Variants in CAMTA2 observed in about 807,000 individuals in gnomAD.
The protein encoded by CAMTA2 is calmodulin-binding transcription activator 2.
CAMTA2 carries 56 observed loss-of-function variants against 135.7 expected under a neutral mutation model. That is an observed-to-expected ratio of 0.41 (90% CI 0.33 to 0.52). The LOEUF is 0.52. CAMTA2 is among the 20% of genes least tolerant of loss of function. CAMTA2 has a pLI of 0.16. For synonymous variants in CAMTA2, 591 were observed against 604.6 expected, an observed-to-expected ratio of 0.98 and a Z score of 0.33; for missense variants, 1,358 against 1,553.4, an observed-to-expected ratio of 0.87 and a Z score of 2.11.
chr17:4,970,494 G>C lies in CAMTA2; in HGVS notation c.2851C>G (p.Pro951Ala). 6.2e-7 allele frequency: 1 copy of C among 1,613,618 alleles called. No individual in the cohort carries two copies. The highest frequency in any genetic ancestry group is 8.5e-7 in the Non-Finnish European group (1 of 1,180,034). The part of the protein sequence containing the change: ...SLAKQIIEAT[P>A]ERIKREDFVG... ...AAGTCCTCTCGTTTAATCCGCTCCG[G>C]TGTGGCTTCGATGATCTGCTTGGCT... Residue 951 changes from proline (P) to alanine (A), a missense_variant, in exon 17 of 23, where the codon CCG becomes GCG. Around this residue, in one of 4 missense-constraint regions of CAMTA2, gnomAD observed 1,077 missense variants for 1,127.5 expected, o/e 0.96. Coordinates refer to ENST00000348066, the MANE Select transcript of CAMTA2 (RefSeq NM_015099.4).
chr17:4,976,874 G>C (rs1464771642), intron 11 of CAMTA2, among the ~76,000 whole-genome samples, 184 bp downstream of exon 11: 1 of 152,118 alleles, frequency 6.6e-6, no homozygotes, highest in East Asian at 1.9e-4. Flanking sequence ...CAAGATTTAT[G>C]GGGAAGAGGA....
rs767142488 is a variant in CAMTA2, at chr17:4,980,329, C to T, written c.993G>A (p.Leu331=). 8 of 1,613,906 alleles carry T rather than the reference C, an allele frequency of 5.0e-6. No individual in the cohort carries two copies. The South Asian group carries it at 8.8e-5, about 18-fold the overall frequency. ...GGTAILLLTG[L]EQRAGGLTPT... ...GCGTCAAGCCTCCAGCCCGCTGCTC[C>T]AGTCCTGTCAGGAGGAGGATAGCAG... The change falls in exon 9 of 23, where the codon CTG becomes CTA. Residue 331 remains leucine (L), a synonymous_variant. Coordinates refer to ENST00000348066, the MANE Select transcript of CAMTA2 (RefSeq NM_015099.4). This position sits in a 1 kb window ranked among gnomAD's most constrained non-coding sequence, Gnocchi z 5.3.
intron 3 of CAMTA2, among the ~76,000 whole-genome samples, chr17:4,985,568 C>T (rs964255578): frequency 3.3e-5 from 5 of 152,108 alleles, no homozygotes; most frequent in Non-Finnish European, 4.4e-5. Context: ...GGATTACAGG[C>T]GTACATCACC....
Position 4,986,251 on chromosome 17 carries a change from C to G in CAMTA2, c.-29G>C, listed in dbSNP as rs1319587138. 1 of 1,595,206 alleles carries G rather than the reference C, an allele frequency of 6.3e-7. No individual in the cohort carries two copies. Among genetic ancestry groups the G allele is most frequent in the Non-Finnish European group, 8.6e-7 (1 of 1,166,634 alleles). On this transcript the variant is annotated 5_prime_UTR_variant, in exon 2 of 23. Coordinates refer to ENST00000348066, the MANE Select transcript of CAMTA2 (RefSeq NM_015099.4). ...GAGGGCTCCAGGGGGCAAGGTCACC[C>G]CCGGCCTGAGGGGCCGGGGGGAGGG...
At chr17:4,971,481 C>T (rs1972281479) in intron 16 of CAMTA2, among the ~76,000 whole-genome samples, 2 of 152,074 alleles carry the variant, frequency 1.3e-5, no homozygotes, top group African/African-American at 4.8e-5. Context: ...GTAGCTACAA[C>T]TACAGGTGTG....
At chr17:4,982,693 G>A (rs1973031342) in intron 5 of CAMTA2, 64 bp downstream of exon 5, 2 of 1,584,220 alleles carry the variant, frequency 1.3e-6, no homozygotes, top group Non-Finnish European at 1.7e-6. Flanking sequence ...GGTCGGGCTA[G>A]AGCCCAGCTA....
Position 4,982,119 on chromosome 17 carries a change from T to A in CAMTA2, c.381A>T (p.Thr127=), listed in dbSNP as rs375041273. The change falls in exon 6 of 23, where the codon ACA becomes ACT. Residue 127 remains threonine, a synonymous_variant. Coordinates refer to ENST00000348066, the MANE Select transcript of CAMTA2 (RefSeq NM_015099.4). ...GCAGCCAGTAGCAGCGCCGATGGAA[T>A]GTGGGGACGATGGAAGAGTGAACGT... is the stretch of plus-strand genomic sequence containing the variant. The part of the protein sequence containing the change: ...GCYVHSSIVP[T]FHRRCYWLLQ... 4.4e-6 allele frequency: 7 copies of A among 1,594,206 alleles called. No individual in the cohort carries two copies. The highest frequency in any genetic ancestry group is 1.7e-5 in the Admixed American group (1 of 58,778).
At chr17:4,987,244 C>T in intron 1 of CAMTA2, 1 of 1,339,738 alleles carries the variant, frequency 7.5e-7, no homozygotes, top group Non-Finnish European at 9.5e-7. Flanking sequence ...GGCGGCCCCC[C>T]GGCGGAGTGG....
At position 4,970,084 on chromosome 17, in the gene CAMTA2, C is replaced by A; in HGVS notation, c.3007G>T (p.Glu1003Ter). The A allele has an allele frequency of 6.2e-7, 1 of 1,613,284 alleles. No homozygotes were observed. Among genetic ancestry groups the A allele is most frequent in the South Asian group, 1.1e-5 (1 of 91,016 alleles). The stretch of plus-strand genomic sequence containing the variant: ...AGGCGACCTCGCTCAAAGGGCAGTT[C>A]GCTGTAGGCGGTAGGGAAAGAGGGT... ...DHFPSSTPPS[E>*]LPFERGRLAV... Residue 1003 changes from glutamate to a stop codon, truncating the protein, a stop_gained and splice_region_variant, in exon 18 of 23, where the codon GAA (glutamate) becomes TAA (stop). Transcript: ENST00000348066. LOFTEE classifies it high-confidence loss of function.
chr17:4,985,861 C>T lies in CAMTA2; in HGVS notation c.135+19G>A. ...TACTAGGTCTTGCTGGGCCCCAACC[C>T]CCAGCCTCCCTAGAAAACCTCATTT... On this transcript the variant is annotated intron_variant, in intron 3 of 22. Coordinates refer to ENST00000348066, the MANE Select transcript of CAMTA2 (RefSeq NM_015099.4). The T allele has an allele frequency of 6.3e-7, 1 of 1,582,758 alleles. No homozygotes were observed. The highest frequency in any genetic ancestry group is 8.7e-7 in the Non-Finnish European group (1 of 1,151,940).
At position 4,980,472 on chromosome 17, in the gene CAMTA2, G is replaced by A. The variant is rs758701234; in HGVS notation, c.850C>T (p.Pro284Ser). The change falls in exon 9 of 23, where the codon CCC becomes TCC. Residue 284 changes from proline (P) to serine (S), a missense_variant. Transcript: ENST00000348066. This position sits in a 1 kb window ranked among gnomAD's most constrained non-coding sequence, Gnocchi z 5.3. ...PLIAPLPPEL[P>S]KAHTSPSSSS... ...GAAGATGGGGAGGTGTGTGCCTTGG[G>A]GAGCTCTGGGGGAAGTGGGGCTATC... 1.2e-5 allele frequency: 20 copies of A among 1,613,154 alleles called. No homozygotes were observed. Among genetic ancestry groups the A allele is most frequent in the Middle Eastern group, 1.7e-4 (1 of 6,054 alleles).
chr17:4,983,008 A>G lies in CAMTA2; in HGVS notation c.171T>C (p.His57=). 1.2e-6 allele frequency: 2 copies of G among 1,614,072 alleles called. No individual in the cohort carries two copies. Among genetic ancestry groups the G allele is most frequent in the Non-Finnish European group, 1.7e-6 (2 of 1,179,992 alleles). Residue 57 remains histidine, a synonymous_variant, in exon 4 of 23, where the codon CAT becomes CAC. Transcript: ENST00000348066. ...IASYLITFEK[H]DEWLSCAPKT... The stretch of plus-strand genomic sequence containing the variant: ...TTGGGGCACAAGACAGCCACTCATC[A>G]TGCTTCTCAAAGGTGATCAGGTAGG...
At position 4,979,741 on chromosome 17, in the gene CAMTA2, C is replaced by A. The variant is rs775825497; in HGVS notation, c.1581G>T (p.Gln527His). 6.2e-7 allele frequency: 1 copy of A among 1,614,052 alleles called. No individual in the cohort carries two copies. ...EAPSIPAPTPQLSPALSTITD... is the reference protein window; with the variant it reads ...EAPSIPAPTPHLSPALSTITD... Reference sequence around the variant, plus strand: ...TGATGGTGCTAAGAGCAGGAGACAGCTGGGGGGTCGGAGCAGGGATGCTTG... The same window carrying A: ...TGATGGTGCTAAGAGCAGGAGACAGATGGGGGGTCGGAGCAGGGATGCTTG... The change falls in exon 9 of 23, where the codon CAG becomes CAT. Residue 527 changes from glutamine (Q) to histidine (H), a missense_variant. Physicochemically the swap from Gln to His is conservative, Grantham distance 24 (BLOSUM62 0). Coordinates refer to ENST00000348066, the MANE Select transcript of CAMTA2 (RefSeq NM_015099.4).
chr17:4,979,950 C>G lies in CAMTA2; in HGVS notation c.1372G>C (p.Ala458Pro). ...GGGGGTGAAGGTATGGGTGGGGCAG[C>G]CCCGTGACCCTTGAGCTCCTCCCCA... ...DSGEELKGHG[A>P]APPIPSPPPS... Residue 458 changes from alanine to proline, a missense_variant, in exon 9 of 23, where the codon GCT becomes CCT. Physicochemically the swap from Ala to Pro is conservative, Grantham distance 27. This residue lies in a region of CAMTA2 where 1,077 missense variants were observed against 1,127.5 expected (regional missense o/e 0.96). Coordinates refer to ENST00000348066, the MANE Select transcript of CAMTA2 (RefSeq NM_015099.4). The G allele has an allele frequency of 6.2e-7, 1 of 1,612,786 alleles. No individual in the cohort carries two copies. The highest frequency in any genetic ancestry group is 1.1e-5 in the South Asian group (1 of 91,012).
Position 4,968,228 on chromosome 17 carries a change from A to G in CAMTA2, c.*528T>C, listed in dbSNP as rs1461146524. On this transcript the variant is annotated 3_prime_UTR_variant, in exon 23 of 23. Coordinates refer to ENST00000348066, the MANE Select transcript of CAMTA2 (RefSeq NM_015099.4). ...GACTCCGCAACGCGTTCCTATGTAC[A>G]CCACCTCCCCTTCGGCCCTGAGGTC... 7.7e-6 allele frequency: 2 copies of G among 258,488 alleles called. No individual in the cohort carries two copies. The highest frequency in any genetic ancestry group is 1.5e-5 in the Non-Finnish European group (2 of 132,246). The allele number at this position is 258,488 out of a possible 1,614,324, so 16.0% of individuals were successfully genotyped here.
At chr17:4,983,961 A>T (rs533366661) in intron 3 of CAMTA2, among the ~76,000 whole-genome samples, 64 of 146,286 alleles carry the variant, frequency 4.4e-4, no homozygotes, top group South Asian at 2.2e-3. Flanking sequence ...TTATTTATTT[A>T]TTTTTTTGAG....
intron 1 of CAMTA2, chr17:4,987,286 T>TCCCG (rs1973412923): frequency 1.5e-6 from 2 of 1,338,676 alleles, no homozygotes; most frequent in East Asian, 6.2e-5. Context: ...GGTGGGAGGG[T>TCCCG]CCCGCCCGCA....
In CAMTA2 at chr17:4,980,375, C is replaced by G; in HGVS notation, c.947G>C (p.Gly316Ala). The change falls in exon 9 of 23, where the codon GGG (glycine) becomes GCG (alanine). Residue 316 changes from glycine (G) to alanine (A), a missense_variant. This residue lies in a region of CAMTA2 where 1,077 missense variants were observed against 1,127.5 expected (regional missense o/e 0.96). Coordinates refer to ENST00000348066, the MANE Select transcript of CAMTA2 (RefSeq NM_015099.4). The surrounding 1 kb of genome is among the most constrained non-coding windows in gnomAD (Gnocchi z 5.3). ...AGCAGTGCCTCCTCTTGAAGAACCC[C>G]CTCGAGAAGTGGGAGGGCTAGGTCT... ...EIRPSPPTSR[G>A]GSSRGGTAIL... 1 of 1,614,128 alleles carries G rather than the reference C, an allele frequency of 6.2e-7. No homozygotes were observed. The highest frequency in any genetic ancestry group is 8.5e-7 in the Non-Finnish European group (1 of 1,179,994).
chr17:4,984,933 C>T (rs994217721), intron 3 of CAMTA2, among the ~76,000 whole-genome samples: 7 of 151,882 alleles, frequency 4.6e-5, no homozygotes, highest in African/African-American at 1.2e-4. Context: ...AGGAGAATGG[C>T]GTAAACCTGG....
Sources: gnomAD v4.1 joint callset for allele counts (sites outside exome capture counted in the v4.1 genomes callset) on GRCh38, gnomAD v4.1.1 for gene constraint, gnomAD v4.1.1 regional missense constraint, Gnocchi (gnomAD v3.1) non-coding constraint, MANE v1.5 for transcripts, NCBI Gene and HGNC (gene_info 2026-07-23, HGNC 2026-07-21) for gene names.